Variants in ELL observed in about 807,000 individuals in gnomAD.
ELL encodes RNA polymerase II elongation factor ELL.
In ELL, 18 loss-of-function variants were observed where a neutral mutation model predicts 64.0. That is an observed-to-expected ratio of 0.28 (90% CI 0.19 to 0.42). The LOEUF is 0.42. Ranked by LOEUF, ELL falls within the 10% of genes least tolerant of loss-of-function variation. The pLI is 1.00. For missense variants in ELL, 797 were observed against 870.4 expected, an observed-to-expected ratio of 0.92 and a Z score of 1.06; for synonymous variants, 399 against 376.2, an observed-to-expected ratio of 1.06 and a Z score of -0.70.
In ELL at chr19:18,449,030, C is replaced by T. The variant is rs1372076980; in HGVS notation, c.1465+1447G>A. The stretch of plus-strand genomic sequence containing the variant: ...CCAGGCTCAGCTTCTGGTGCCTCCA[C>T]TGTCCTTTTCTTGGTGCTTGGGACA... On this transcript the variant is annotated intron_variant, in intron 8 of 11. Transcript: ENST00000262809. This position sits in a 1 kb window ranked among gnomAD's most constrained non-coding sequence, Gnocchi z 4.4. Among the ~76,000 whole-genome samples, 7 of 152,192 alleles carry T rather than the reference C, an allele frequency of 4.6e-5. No individual in the cohort carries two copies. The highest frequency in any genetic ancestry group is 4.6e-4 in the Admixed American group (7 of 15,288).
chr19:18,446,183 G>A (rs1014944975), intron 10 of ELL, 126 bp downstream of exon 10: 1 of 1,198,984 alleles, frequency 8.3e-7, no homozygotes, highest in Non-Finnish European at 1.1e-6. Context: ...GCACCAGGGG[G>A]AGAAGCGCTG....
intron 1 of ELL, chr19:18,473,360 C>G (rs1421941257): frequency 2.7e-6 from 1 of 369,494 alleles, no homozygotes; most frequent in Non-Finnish European, 5.5e-6. Context: ...ACAGCCCCAG[C>G]TGATCCCCTG....
At chr19:18,464,641 G>A (rs370380953) in intron 4 of ELL, among the ~76,000 whole-genome samples, 106 of 152,196 alleles carry the variant, frequency 7.0e-4, no homozygotes, top group African/African-American at 2.5e-3. Flanking sequence ...AAATGCCCCC[G>A]CCTTTTCTTA....
chr19:18,478,976 G>A lies in ELL; in HGVS notation c.136-6094C>T, dbSNP rs113510700. Reference sequence around the variant, plus strand: ...TCAATGCTGAGACAGAGGAAAGGGTGAGGAGGAACCTCTCCAGGGCCAGAA... The same window carrying A: ...TCAATGCTGAGACAGAGGAAAGGGTAAGGAGGAACCTCTCCAGGGCCAGAA... On this transcript the variant is annotated intron_variant, in intron 1 of 11. Transcript: ENST00000262809. Among the ~76,000 whole-genome samples the A allele has an allele frequency of 8.1e-3, 1,231 of 152,342 alleles. 15 individuals carry two copies. The highest frequency in any genetic ancestry group is 0.027 in the African/African-American group (1,143 of 41,576).
intron 1 of ELL, among the ~76,000 whole-genome samples, chr19:18,483,758 C>T (rs751950259): frequency 1.3e-5 from 2 of 152,186 alleles, no homozygotes; most frequent in Non-Finnish European, 2.9e-5. Flanking sequence ...CTTCAAGTTA[C>T]AGTGCTTCTA....
chr19:18,516,358 C>T (rs553024097), intron 1 of ELL, among the ~76,000 whole-genome samples: 2 of 152,310 alleles, frequency 1.3e-5, no homozygotes, highest in South Asian at 2.1e-4. Flanking sequence ...ACCCTTCCCC[C>T]AGCAGACTGC....
chr19:18,463,973 G>A (rs1024465264), intron 4 of ELL, among the ~76,000 whole-genome samples: 3 of 144,428 alleles, frequency 2.1e-5, no homozygotes, highest in South Asian at 2.2e-4. Context: ...GCGACAGACC[G>A]CGACTCCATC....
chr19:18,505,065 C>T (rs1351004891), intron 1 of ELL, among the ~76,000 whole-genome samples: 3 of 152,222 alleles, frequency 2.0e-5, no homozygotes, highest in Non-Finnish European at 4.4e-5. Flanking sequence ...ATCTCACCCT[C>T]CTGCCATCAT....
At chr19:18,473,348 T>C in intron 1 of ELL, 1 of 371,924 alleles carries the variant, frequency 2.7e-6, no homozygotes, top group Non-Finnish European at 5.5e-6. Context: ...CCCTCCACTC[T>C]CACAGCCCCA....
At chr19:18,470,619 A>T (rs1035862724) in intron 2 of ELL, among the ~76,000 whole-genome samples, 3 of 152,230 alleles carry the variant, frequency 2.0e-5, no homozygotes, top group African/African-American at 7.2e-5. Context: ...GAGATTCATT[A>T]TTCCATGACA....
chr19:18,470,447 C>G (rs2144927458), intron 2 of ELL, among the ~76,000 whole-genome samples: 1 of 152,354 alleles, frequency 6.6e-6, no homozygotes. Context: ...TGGGGCTGCT[C>G]TGGCAGCAAG....
At chr19:18,508,854 CCA>C (rs1436717894) in intron 1 of ELL, among the ~76,000 whole-genome samples, 2 of 152,122 alleles carry the variant, frequency 1.3e-5, no homozygotes, top group Non-Finnish European at 1.5e-5. Flanking sequence ...AGCCCTTTGG[CCA>C]CAGTTTACCA....
intron 1 of ELL, among the ~76,000 whole-genome samples, chr19:18,482,800 CTGT>C (rs1367651735): frequency 2.3e-5 from 2 of 85,924 alleles, no homozygotes; most frequent in Non-Finnish European, 4.5e-5. Context: ...GTTGTTGCTG[CTGT>C]TGTTTTGAGA....
rs1234429251 is a variant in ELL at position 18,522,050 on chromosome 19, C to G, written c.6G>C (p.Ala2=). 2 of 1,602,176 alleles carry G rather than the reference C, an allele frequency of 1.2e-6. No individual in the cohort carries two copies. Among genetic ancestry groups the G allele is most frequent in the Non-Finnish European group, 1.7e-6 (2 of 1,173,028 alleles). Reference sequence around the variant, plus strand: ...CGTAGCTCCTATCCTCCTTCAGCGCCGCCATCTTGCGACCATCTCTCCCCC... The same window carrying G: ...CGTAGCTCCTATCCTCCTTCAGCGCGGCCATCTTGCGACCATCTCTCCCCC... M[A]ALKEDRSYGL... The change falls in exon 1 of 12, where the codon GCG becomes GCC. Residue 2 remains alanine, a synonymous_variant. Transcript: ENST00000262809.
chr19:18,515,964 G>A (rs1976119090), intron 1 of ELL, among the ~76,000 whole-genome samples: 1 of 152,210 alleles, frequency 6.6e-6, no homozygotes, highest in Non-Finnish European at 1.5e-5. Context: ...CCCATGGGAA[G>A]GGATGGGGGT....
At chr19:18,478,904 T>C (rs1975232429) in intron 1 of ELL, among the ~76,000 whole-genome samples, 1 of 152,132 alleles carries the variant, frequency 6.6e-6, no homozygotes, top group African/African-American at 2.4e-5. Context: ...AGCAATGCCT[T>C]TGGGAAAAGG....
In ELL at chr19:18,466,398, C is replaced by G. The variant is rs543558701; in HGVS notation, c.184-480G>C. On this transcript the variant is annotated intron_variant, in intron 2 of 11. Transcript: ENST00000262809. ...TCCTTGGCGACCCCCTCTCAGCATC[C>G]CCCCACAAAGGACATGGACTCCACG... Among the ~76,000 whole-genome samples the G allele has an allele frequency of 4.6e-5, 7 of 152,318 alleles. No homozygotes were observed. The East Asian group carries it at 1.3e-3, about 29-fold the overall frequency.
intron 6 of ELL, among the ~76,000 whole-genome samples, chr19:18,452,550 G>A (rs1974562604): frequency 6.6e-6 from 1 of 152,228 alleles, no homozygotes; most frequent in Non-Finnish European, 1.5e-5. Context: ...GCAGAAGCAT[G>A]AGTGGTGACT....
chr19:18,521,798 A>C, intron 1 of ELL, 123 bp downstream of exon 1: 1 of 1,337,044 alleles, frequency 7.5e-7, no homozygotes, highest in East Asian at 3.0e-5. Flanking sequence ...CCGCCGGCCC[A>C]GGGACCCGCG....
Sources: allele counts gnomAD v4.1 joint callset (sites outside exome capture counted in the v4.1 genomes callset), GRCh38; gene constraint gnomAD v4.1.1; non-coding constraint Gnocchi (gnomAD v3.1); transcripts MANE v1.5; gene names NCBI Gene and HGNC (gene_info 2026-07-23, HGNC 2026-07-21).